Variants in AATK observed in about 807,000 individuals in gnomAD.
AATK encodes the protein serine/threonine-protein kinase LMTK1.
Under a neutral mutation model 114.3 loss-of-function variants are expected in AATK, and 91 were observed. The observed-to-expected ratio is 0.80, with a 90% CI of 0.67 to 0.95. The LOEUF (loss-of-function observed/expected upper bound fraction) is 0.95, where lower values mean the gene tolerates loss of function less well. AATK is among the 40% of genes least tolerant of loss of function. The pLI is 0.00. For missense variants in AATK, 2,176 were observed against 1,965.2 expected (o/e 1.11, Z -2.03); for synonymous variants, 1,075 against 916.5 (o/e 1.17, Z -3.12).
intron 13 of AATK, 110 bp from the exon 14 acceptor site, chr17:81,118,552 T>G: frequency 8.8e-7 from 1 of 1,131,716 alleles, no homozygotes; most frequent in Non-Finnish European, 1.3e-6. Context: ...CCGGGCCCCT[T>G]CCCTGCAGCA....
At chr17:81,132,119 A>G (rs2060942748) in intron 2 of AATK, 20 of 980,356 alleles carry the variant, frequency 2.0e-5, no homozygotes, top group Admixed American at 3.1e-5. Flanking sequence ...CAAAGTCTCC[A>G]AAGTCCTGGG....
At position 81,126,811 on chromosome 17, in the gene AATK, C is replaced by T; in HGVS notation, c.622-251G>A. ...CAGCCAGCCCCGGGCAGCAGGAGTC[C>T]CTTGGCCTGTGGTAGAGAGAGAAAC... On this transcript the variant is annotated intron_variant, in intron 6 of 13. Transcript: ENST00000326724. This position sits in a 1 kb window ranked among gnomAD's most constrained non-coding sequence, Gnocchi z 5.1. 7.4e-7 allele frequency: 1 copy of T among 1,358,710 alleles called. No individual in the cohort carries two copies. Among genetic ancestry groups the T allele is most frequent in the Non-Finnish European group, 9.5e-7 (1 of 1,055,054 alleles). 84.2% of individuals were successfully genotyped at this position (1,358,710 alleles called of 1,614,324 possible).
intron 1 of AATK, chr17:81,165,475 C>G (rs889813357): frequency 9.5e-6 from 4 of 421,562 alleles, no homozygotes; most frequent in African/African-American, 8.2e-5. Flanking sequence ...CCACATCCCC[C>G]GCCGGCTGCT....
At chr17:81,135,049 G>A (rs564619730) in intron 1 of AATK, among the ~76,000 whole-genome samples, 1 of 152,272 alleles carries the variant, frequency 6.6e-6, no homozygotes, top group African/African-American at 2.4e-5. Flanking sequence ...GGGCTCCCGT[G>A]TGCCACCTGC....
At chr17:81,128,175 G>A (rs2060875419) in intron 4 of AATK, among the ~76,000 whole-genome samples, 1 of 152,158 alleles carries the variant, frequency 6.6e-6, no homozygotes, top group Non-Finnish European at 1.5e-5. Context: ...GGTTTGAAGT[G>A]AGGAAGAGGG....
chr17:81,146,414 A>T (rs2061221212), intron 1 of AATK, among the ~76,000 whole-genome samples: 1 of 151,740 alleles, frequency 6.6e-6, no homozygotes, highest in African/African-American at 2.4e-5. Flanking sequence ...ACAAATGAGG[A>T]AATACAAATT....
rs774640079 is a variant in AATK, at chr17:81,134,519, G to A, written c.56-18C>T. On this transcript the variant is annotated intron_variant, in intron 1 of 13. Coordinates refer to ENST00000326724, the MANE Select transcript of AATK (RefSeq NM_001080395.3). ...GGCGCCGTCTGCGGGAGAGCAGTGT[G>A]GTGAGAGTGGCCATGGCTGAGGGCC... The A allele has an allele frequency of 2.6e-4, 421 of 1,606,166 alleles. 2 individuals carry two copies. In the Admixed American group the frequency reaches 5.8e-3, roughly 22 times the overall value.
intron 1 of AATK, among the ~76,000 whole-genome samples, chr17:81,147,908 A>G (rs1302557018): frequency 3.9e-5 from 6 of 152,296 alleles, no homozygotes; most frequent in South Asian, 2.1e-4. Context: ...GTGCATATAC[A>G]TATTTGATGA....
chr17:81,127,540 C>G (rs148693198), intron 6 of AATK, 43 bp downstream of exon 6: 2 of 1,547,872 alleles, frequency 1.3e-6, no homozygotes, highest in African/African-American at 2.7e-5. Context: ...GGGAGGGCCC[C>G]GGCTCAGCAA....
Position 81,131,056 on chromosome 17 carries a change from C to A in AATK, c.334+5G>T. 6.5e-7 allele frequency: 1 copy of A among 1,549,912 alleles called. No individual in the cohort carries two copies. On this transcript the variant is annotated splice_donor_5th_base_variant and intron_variant, in intron 3 of 13. Transcript: ENST00000326724. ...GGCCACCCCATCTCCCCACCCAGCCCTCACCTGAGCGCCCAGGCTGCTTGG... is the reference window on the plus strand; with the variant it reads ...GGCCACCCCATCTCCCCACCCAGCCATCACCTGAGCGCCCAGGCTGCTTGG...
At chr17:81,127,482 G>A in intron 6 of AATK, 101 bp downstream of exon 6, 3 of 1,197,054 alleles carry the variant, frequency 2.5e-6, no homozygotes, top group Non-Finnish European at 3.6e-6. Context: ...CTTTAGGGAG[G>A]ATGTGAGGCC....
At position 81,124,940 on chromosome 17, in the gene AATK, C is replaced by T; in HGVS notation, c.830G>A (p.Cys277Tyr). The T allele has an allele frequency of 2.0e-6, 3 of 1,523,308 alleles. No homozygotes were observed. Among genetic ancestry groups the T allele is most frequent in the East Asian group, 2.3e-5 (1 of 42,904 alleles). 94.4% of individuals were successfully genotyped at this position (1,523,308 alleles called of 1,614,324 possible). The change falls in exon 8 of 14, where the codon TGC becomes TAC. Residue 277 changes from cysteine (C) to tyrosine (Y), a missense_variant. Around this residue, in one of 4 missense-constraint regions of AATK, gnomAD observed 273 missense variants for 344.1 expected, o/e 0.79. Coordinates refer to ENST00000326724, the MANE Select transcript of AATK (RefSeq NM_001080395.3). ...CCCCACCCCACTCACTCTGTACTTGCAGTGAGCCAGGCCATAGTCACCAAT... is the reference window on the plus strand; with the variant it reads ...CCCCACCCCACTCACTCTGTACTTGTAGTGAGCCAGGCCATAGTCACCAAT... ...VKIGDYGLAH[C>Y]KYREDYFVTA...
chr17:81,146,858 G>A (rs2061227016), intron 1 of AATK, among the ~76,000 whole-genome samples: 1 of 151,276 alleles, frequency 6.6e-6, no homozygotes, highest in South Asian at 2.1e-4. Context: ...AGAACCGGCT[G>A]CCCAGGCCGT....
rs1368249831 is a variant in AATK at position 81,125,023 on chromosome 17, A to T, written c.756-9T>A. 7.5e-7 allele frequency: 1 copy of T among 1,329,658 alleles called. No individual in the cohort carries two copies. The highest frequency in any genetic ancestry group is 2.5e-5 in the Admixed American group (1 of 39,782). The allele number at this position is 1,329,658 out of a possible 1,614,324, so 82.4% of individuals were successfully genotyped here. On this transcript the variant is annotated splice_polypyrimidine_tract_variant and intron_variant, in intron 7 of 13. Coordinates refer to ENST00000326724, the MANE Select transcript of AATK (RefSeq NM_001080395.3). ...TCCGCAGGGCCAGGTCGCTGCAGGCAGGGGCAGGGGCAGGGGCAGGGTGAG... is the reference window on the plus strand; with the variant it reads ...TCCGCAGGGCCAGGTCGCTGCAGGCTGGGGCAGGGGCAGGGGCAGGGTGAG...
intron 1 of AATK, among the ~76,000 whole-genome samples, chr17:81,150,490 G>A (rs867084090): frequency 4.1e-5 from 6 of 145,172 alleles, no homozygotes; most frequent in South Asian, 2.2e-4. Flanking sequence ...GACCTCCTTC[G>A]TGCTCTGCCA....
At chr17:81,140,275 C>A (rs995086176) in intron 1 of AATK, among the ~76,000 whole-genome samples, 1 of 152,190 alleles carries the variant, frequency 6.6e-6, no homozygotes, top group Non-Finnish European at 1.5e-5. Flanking sequence ...TTGCTTTTTT[C>A]GTATCAGTGC....
At chr17:81,143,297 C>T (rs1388660453) in intron 1 of AATK, among the ~76,000 whole-genome samples, 6 of 152,296 alleles carry the variant, frequency 3.9e-5, no homozygotes, top group African/African-American at 9.6e-5. Flanking sequence ...TCCCAGGACA[C>T]GTCACCTGAC....
intron 5 of AATK, 23 bp from the exon 6 acceptor site, chr17:81,127,693 CCT>C (rs760001905): frequency 4.5e-6 from 7 of 1,564,238 alleles, no homozygotes; most frequent in Non-Finnish European, 6.1e-6. Context: ...ACAGGCGGCC[CCT>C]GACTTGGGAG....
rs369453730 is a variant in AATK, at chr17:81,151,081, C to T, written c.55+14857G>A. Among the ~76,000 whole-genome samples, 6 of 152,154 alleles carry T rather than the reference C, an allele frequency of 3.9e-5. No homozygotes were observed. In the South Asian group the frequency reaches 8.3e-4, roughly 21 times the overall value. ...GGGAGGAAGGGGTACTCTGTGCCCC[C>T]CTACGAACCACTGTGAGGCAGACAG... On this transcript the variant is annotated intron_variant, in intron 1 of 13. Transcript: ENST00000326724.
Sources: allele counts gnomAD v4.1 joint callset (sites outside exome capture counted in the v4.1 genomes callset), GRCh38; gene constraint gnomAD v4.1.1; regional missense constraint gnomAD v4.1.1; non-coding constraint Gnocchi (gnomAD v3.1); transcripts MANE v1.5; gene names NCBI Gene and HGNC (gene_info 2026-07-23, HGNC 2026-07-21).